The following ZFYVE26 variants were observed in gnomAD, a reference collection of about 807,000 sequenced individuals.
The protein encoded by ZFYVE26 is zinc finger FYVE-type containing 26.
A neutral mutation model predicts 276.5 loss-of-function variants in ZFYVE26; 181 were observed. That is an observed-to-expected ratio of 0.65 (90% CI 0.58 to 0.74). The LOEUF is 0.74. Ranked by LOEUF, ZFYVE26 falls within the 30% of genes least tolerant of loss-of-function variation. The pLI, the probability that ZFYVE26 is intolerant of heterozygous loss-of-function variation, is 0.00. For missense variants in ZFYVE26, 2,821 were observed against 3,097.9 expected (o/e 0.91, Z 2.12); for synonymous variants, 1,129 against 1,203.1 (o/e 0.94, Z 1.27).
intron 14 of ZFYVE26, among the ~76,000 whole-genome samples, chr14:67,728,986 T>C (rs539701533): frequency 8.5e-5 from 13 of 152,266 alleles, no homozygotes; most frequent in Middle Eastern, 3.4e-3. Context: ...TTTTGGAACA[T>C]AGAAGGCTGA....
intron 4 of ZFYVE26, 85 bp downstream of exon 4, chr14:67,809,115 A>G: frequency 8.6e-7 from 1 of 1,165,586 alleles, no homozygotes; most frequent in Non-Finnish European, 1.3e-6. Context: ...AACATCTTGG[A>G]GACCTCTCTC....
At chr14:67,755,024 C>A in intron 37 of ZFYVE26, 27 bp downstream of exon 37, 1 of 1,612,762 alleles carries the variant, frequency 6.2e-7, no homozygotes, top group Non-Finnish European at 8.5e-7. Context: ...CTGCCCCACA[C>A]CAATAGTCCC....
chr14:67,768,028 T>C (rs2140201758), intron 30 of ZFYVE26, among the ~76,000 whole-genome samples, 188 bp from the exon 31 acceptor site: 1 of 152,332 alleles, frequency 6.6e-6, no homozygotes, highest in Middle Eastern at 3.4e-3. Flanking sequence ...TCCCCAGGCA[T>C]AGACCTGAGG....
chr14:67,762,132 T>C, intron 34 of ZFYVE26, 71 bp downstream of exon 34: 1 of 1,555,438 alleles, frequency 6.4e-7, no homozygotes, highest in Non-Finnish European at 8.9e-7. Context: ...TTCCACTGAT[T>C]CTTTTCCCAG....
chr14:67,769,259 C>T (rs1457303472), intron 29 of ZFYVE26, among the ~76,000 whole-genome samples: 1 of 152,130 alleles, frequency 6.6e-6, no homozygotes, highest in Non-Finnish European at 1.5e-5. Context: ...CCAGCTGAGA[C>T]CAGTTGAAGC....
rs374750011 is a variant in ZFYVE26 at position 67,751,069 on chromosome 14, G to A, written c.7399C>T (p.His2467Tyr). 8.5e-5 allele frequency: 137 copies of A among 1,614,090 alleles called. No homozygotes were observed. Among genetic ancestry groups the A allele is most frequent in the African/African-American group, 1.1e-4 (8 of 74,922 alleles). The change falls in exon 41 of 42, where the codon CAC becomes TAC. Residue 2467 changes from histidine to tyrosine, a missense_variant. By Grantham distance (83) the His-to-Tyr change is moderately conservative (BLOSUM62 2). Transcript: ENST00000347230. ...QELEGLIQAIHNDDNKVRAYL... is the reference protein window; with the variant it reads ...QELEGLIQAIYNDDNKVRAYL... ...CCGCTCACCTTGTTGTCATCATTGT[G>A]TATTGCCTGGATCAGGCCCTCCAGC...
chr14:67,734,306 C>T, intron 13 of ZFYVE26: 1 of 173,476 alleles, frequency 5.8e-6, no homozygotes, highest in Non-Finnish European at 1.3e-5. Context: ...TAGACCAACA[C>T]ACAAAGATCC....
chr14:67,798,182 C>A lies in ZFYVE26; in HGVS notation c.2080G>T (p.Glu694Ter). ...AIGAFLRLLQ[E>*]QLDEISSRSP... Reference sequence around the variant, plus strand: ...CGGCTACTGATCTCATCCAGTTGCTCTTGGAGAAGCCTGAGGAAGGCCCCT... The same window carrying A: ...CGGCTACTGATCTCATCCAGTTGCTATTGGAGAAGCCTGAGGAAGGCCCCT... Residue 694 changes from glutamate (E) to a stop codon, truncating the protein, a stop_gained, in exon 11 of 42, where the codon GAG becomes TAG. Transcript: ENST00000347230. LOFTEE classifies it high-confidence loss of function. 1 of 1,614,144 alleles carries A rather than the reference C, an allele frequency of 6.2e-7. No individual in the cohort carries two copies. Among genetic ancestry groups the A allele is most frequent in the Non-Finnish European group, 8.5e-7 (1 of 1,180,008 alleles).
In ZFYVE26 at chr14:67,741,463, C is replaced by T. The variant is rs2038414649; in HGVS notation, n.2679+9589G>A. On this transcript the variant is annotated intron_variant and non_coding_transcript_variant, in intron 13 of 14. Coordinates refer to the ZFYVE26 transcript ENST00000394455. ...TATTCATGTAGTCCTCACATGTCCACTGGGGGCCTAACCCTAGGAATTCTC... is the reference window on the plus strand; with the variant it reads ...TATTCATGTAGTCCTCACATGTCCATTGGGGGCCTAACCCTAGGAATTCTC... Among the ~76,000 whole-genome samples, 2 of 152,138 alleles carry T rather than the reference C, an allele frequency of 1.3e-5. 1 individual carries two copies. The highest frequency in any genetic ancestry group is 4.1e-4 in the South Asian group (2 of 4,820).
chr14:67,739,513 A>C (rs201191823), intron 13 of ZFYVE26, among the ~76,000 whole-genome samples: 2 of 149,132 alleles, frequency 1.3e-5, no homozygotes, highest in Non-Finnish European at 3.0e-5. Flanking sequence ...CTACTTTTTA[A>C]TTTTTTTTTT....
intron 13 of ZFYVE26, among the ~76,000 whole-genome samples, chr14:67,732,277 A>C (rs1260549467): frequency 6.6e-6 from 1 of 151,974 alleles, no homozygotes; most frequent in East Asian, 1.9e-4. Context: ...ATCTCTACTA[A>C]AAATCAAAAA....
chr14:67,781,663 G>C, intron 21 of ZFYVE26, 134 bp from the exon 22 acceptor site: 1 of 784,960 alleles, frequency 1.3e-6, no homozygotes, highest in Non-Finnish European at 2.1e-6. Context: ...AGATGGATGT[G>C]ATCTTAACTA....
intron 20 of ZFYVE26, 75 bp from the exon 21 acceptor site, chr14:67,783,600 T>C (rs1486676924): frequency 4.4e-6 from 7 of 1,573,244 alleles, no homozygotes; most frequent in Non-Finnish European, 6.1e-6. Flanking sequence ...AATTTCTTTA[T>C]GCTTACATGA....
downstream of ZFYVE26, among the ~76,000 whole-genome samples, chr14:67,741,560 G>T (rs919040482): frequency 6.6e-6 from 1 of 152,180 alleles, no homozygotes; most frequent in Non-Finnish European, 1.5e-5. Context: ...ATCTACCATA[G>T]ACGTTTAATG....
chr14:67,814,185 C>T (rs2040355078), intron 2 of ZFYVE26, 121 bp from the exon 3 acceptor site: 3 of 778,852 alleles, frequency 3.9e-6, no homozygotes, highest in Admixed American at 2.1e-5. Context: ...AGACACTGCC[C>T]TAATGAGATA....
chr14:67,788,341 A>G (rs1198562478), intron 16 of ZFYVE26, among the ~76,000 whole-genome samples: 6 of 152,212 alleles, frequency 3.9e-5, no homozygotes, highest in Non-Finnish European at 8.8e-5. Context: ...GTGAGCAGTG[A>G]GCCGAGACTG....
chr14:67,744,821 C>A (rs2038462115), downstream of ZFYVE26, among the ~76,000 whole-genome samples: 1 of 152,170 alleles, frequency 6.6e-6, no homozygotes, highest in South Asian at 2.1e-4. Context: ...CACTGATGGG[C>A]ATTTGGGTTG....
intron 13 of ZFYVE26, chr14:67,735,461 C>G (rs145240654): frequency 1.7e-6 from 1 of 585,368 alleles, no homozygotes; most frequent in East Asian, 2.8e-5. Context: ...CAAACAATGC[C>G]GGGGGATTGG....
intron 41 of ZFYVE26, 100 bp downstream of exon 41, chr14:67,750,952 T>A: frequency 7.0e-7 from 1 of 1,421,524 alleles, no homozygotes; most frequent in Non-Finnish European, 9.9e-7. Flanking sequence ...GAGATACGGG[T>A]TGTATGGAAC....
Sources: gnomAD v4.1 joint callset for allele counts (sites outside exome capture counted in the v4.1 genomes callset) on GRCh38, gnomAD v4.1.1 for gene constraint, MANE v1.5 for transcripts, NCBI Gene and HGNC (gene_info 2026-07-23, HGNC 2026-07-21) for gene names.